Variants in SORD observed in about 807,000 individuals in gnomAD.
SORD encodes the protein (R,R)-butanediol dehydrogenase.
Under a neutral mutation model 35.6 loss-of-function variants are expected in SORD, and 18 were observed. The ratio of observed to expected loss-of-function variants is 0.51; its 90% CI spans 0.35 to 0.75. The LOEUF (loss-of-function observed/expected upper bound fraction) is 0.75, where lower values mean the gene tolerates loss of function less well. Ranked by LOEUF, SORD falls within the 30% of genes least tolerant of loss-of-function variation. The pLI, the probability that SORD is intolerant of heterozygous loss-of-function variation, is 0.01. For missense variants in SORD, 250 were observed against 390.2 expected (o/e 0.64, Z 3.03); for synonymous variants, 106 against 152.9 (o/e 0.69, Z 2.26).
intron 2 of SORD, 49 bp downstream of exon 2, chr15:45,040,490 C>T (rs764879787): frequency 1.1e-5 from 15 of 1,383,526 alleles, no homozygotes; most frequent in Admixed American, 6.8e-5. Context: ...CCTGTTGTTT[C>T]CTTTGGAGTC....
At chr15:45,059,348 A>T (rs1233241389) in intron 3 of SORD, among the ~76,000 whole-genome samples, 1 of 151,994 alleles carries the variant, frequency 6.6e-6, no homozygotes, top group Admixed American at 6.6e-5. Context: ...AAACAAAAAA[A>T]CCAAAGAAAC....
intron 4 of SORD, among the ~76,000 whole-genome samples, chr15:45,061,843 T>G (rs1218267618): frequency 6.6e-6 from 1 of 152,136 alleles, no homozygotes; most frequent in East Asian, 1.9e-4. Flanking sequence ...CACTCCAGCC[T>G]GGGCAACAGA....
intron 3 of SORD, among the ~76,000 whole-genome samples, chr15:45,052,976 A>G (rs532354325): frequency 1.3e-5 from 2 of 152,218 alleles, no homozygotes; most frequent in African/African-American, 4.8e-5. Context: ...AACAAAAGAC[A>G]GAAGGTGCTG....
intron 3 of SORD, among the ~76,000 whole-genome samples, chr15:45,060,317 G>A (rs1347275804): frequency 6.6e-6 from 1 of 152,158 alleles, no homozygotes; most frequent in African/African-American, 2.4e-5. Context: ...ACAGTTCTTT[G>A]AATTTTGCTG....
chr15:45,041,082 C>G (rs889927759), intron 2 of SORD, among the ~76,000 whole-genome samples: 1 of 152,206 alleles, frequency 6.6e-6, no homozygotes, highest in Non-Finnish European at 1.5e-5. Context: ...ACTTGCTAAG[C>G]CTGTGGGGCT....
At chr15:45,057,358 T>G (rs2141278182) in intron 3 of SORD, among the ~76,000 whole-genome samples, 1 of 152,360 alleles carries the variant, frequency 6.6e-6, no homozygotes, top group African/African-American at 2.4e-5. Context: ...GTAAAATAGT[T>G]AACAGGGAAA....
chr15:45,069,498 T>C (rs1893474722), intron 7 of SORD, among the ~76,000 whole-genome samples: 1 of 152,082 alleles, frequency 6.6e-6, no homozygotes, highest in Non-Finnish European at 1.5e-5. Flanking sequence ...GCGCTATCTC[T>C]GTTTTCTTAT....
chr15:45,067,228 G>A (rs1289447931), intron 5 of SORD, among the ~76,000 whole-genome samples: 1 of 152,122 alleles, frequency 6.6e-6, no homozygotes, highest in Non-Finnish European at 1.5e-5. Flanking sequence ...CAGGCGTGGT[G>A]GTGGGTGCCT....
At chr15:45,042,158 C>G (rs914304118) in intron 2 of SORD, among the ~76,000 whole-genome samples, 3 of 152,102 alleles carry the variant, frequency 2.0e-5, no homozygotes, top group African/African-American at 7.2e-5. Context: ...CTTATTGGTA[C>G]TTATTTCACC....
At chr15:45,067,408 G>A (rs2515677) in intron 5 of SORD, among the ~76,000 whole-genome samples, 167 of 152,224 alleles carry the variant, frequency 1.1e-3, no homozygotes, top group Non-Finnish European at 1.8e-3. Context: ...AAAGAGTTAT[G>A]GCGTAATTTT....
chr15:45,059,401 TG>T lies in SORD; in HGVS notation c.266-1664del, dbSNP rs533979770. On this transcript the variant is annotated intron_variant, in intron 3 of 8. Coordinates refer to ENST00000267814, the MANE Select transcript of SORD (RefSeq NM_003104.6). ...CCCAAAAAACCAGCAATGAGAAAAC[TG>T]GAAACAACCAGGTTTTTTCCATCAA... is the stretch of plus-strand genomic sequence containing the variant. Among the ~76,000 whole-genome samples, 47 of 151,662 alleles carry T rather than the reference TG, an allele frequency of 3.1e-4. 1 individual carries two copies. In the South Asian group the frequency reaches 8.1e-3, roughly 26 times the overall value.
rs542172119 is a variant in SORD at position 45,034,132 on chromosome 15, A to T, written c.67-6276A>T. Among the ~76,000 whole-genome samples, 3 of 151,702 alleles carry T rather than the reference A, an allele frequency of 2.0e-5. No individual in the cohort carries two copies. In the East Asian group the frequency reaches 5.8e-4, roughly 29 times the overall value. On this transcript the variant is annotated intron_variant, in intron 1 of 8. Coordinates refer to ENST00000267814, the MANE Select transcript of SORD (RefSeq NM_003104.6). The stretch of plus-strand genomic sequence containing the variant: ...AACTAATTATGGAAAAAGAACTTTG[A>T]TTTTACTTCTTTTGTAATAAGAGTG...
At chr15:45,054,710 A>G (rs1281505030) in intron 3 of SORD, among the ~76,000 whole-genome samples, 1 of 152,178 alleles carries the variant, frequency 6.6e-6, no homozygotes, top group Non-Finnish European at 1.5e-5. Context: ...TTAGACATGA[A>G]GTCCTTGCCT....
At chr15:45,046,242 A>G (rs982037593) in intron 3 of SORD, among the ~76,000 whole-genome samples, 1 of 151,948 alleles carries the variant, frequency 6.6e-6, no homozygotes, top group Non-Finnish European at 1.5e-5. Context: ...AGAGACAAAT[A>G]TAGACATTTT....
chr15:45,047,105 A>G (rs1893057362), intron 3 of SORD: 1 of 151,568 alleles, frequency 6.6e-6, no homozygotes, highest in African/African-American at 2.4e-5. Flanking sequence ...ATTTTTTTTT[A>G]AGACTAGTCA....
At chr15:45,030,719 C>T (rs989329623) in intron 1 of SORD, among the ~76,000 whole-genome samples, 2 of 152,122 alleles carry the variant, frequency 1.3e-5, no homozygotes, top group African/African-American at 4.8e-5. Context: ...TATATTTATC[C>T]CTGATGAAAA....
chr15:45,067,703 C>A (rs1165935443), intron 5 of SORD, among the ~76,000 whole-genome samples: 8 of 152,108 alleles, frequency 5.3e-5, no homozygotes, highest in African/African-American at 1.9e-4. Context: ...ACCCAGGGAG[C>A]CAGCTCACTT....
intron 3 of SORD, among the ~76,000 whole-genome samples, chr15:45,047,675 C>T (rs767726411): frequency 1.3e-5 from 2 of 152,218 alleles, no homozygotes; most frequent in East Asian, 1.9e-4. Context: ...TCCATCAGAC[C>T]TTTCCTGAAT....
intron 3 of SORD, among the ~76,000 whole-genome samples, chr15:45,048,887 T>C (rs1893085617): frequency 6.6e-6 from 1 of 152,202 alleles, no homozygotes; most frequent in African/African-American, 2.4e-5. Context: ...TAACTTCCCT[T>C]ATCTGTGTAG....
Sources: allele counts gnomAD v4.1 joint callset (sites outside exome capture counted in the v4.1 genomes callset), GRCh38; gene constraint gnomAD v4.1.1; transcripts MANE v1.5; gene names NCBI Gene and HGNC (gene_info 2026-07-23, HGNC 2026-07-21).